Variants in MYT1L observed in about 807,000 individuals in gnomAD.
MYT1L encodes the protein myelin transcription factor 1-like protein.
A neutral mutation model predicts 126.7 loss-of-function variants in MYT1L; 12 were observed. That is an observed-to-expected ratio of 0.09 (90% CI 0.06 to 0.15). The LOEUF (loss-of-function observed/expected upper bound fraction) is 0.15. Among genes scored for constraint, MYT1L ranks in the 10% least tolerant of loss-of-function variants. MYT1L has a pLI of 1.00. For missense variants in MYT1L, 979 were observed against 1,585.2 expected (o/e 0.62, Z 6.49); for synonymous variants, 541 against 604.2 (o/e 0.90, Z 1.53).
chr2:2,101,855 A>G (rs1333126045), intron 3 of MYT1L, among the ~76,000 whole-genome samples: 2 of 152,250 alleles, frequency 1.3e-5, no homozygotes, highest in Non-Finnish European at 2.9e-5. Flanking sequence ...CATCTGTTCT[A>G]TAAATTGTAA....
intron 3 of MYT1L, among the ~76,000 whole-genome samples, chr2:2,093,412 A>T (rs1404076052): frequency 6.6e-6 from 1 of 152,180 alleles, no homozygotes; most frequent in Non-Finnish European, 1.5e-5. Flanking sequence ...TACAAAAAAA[A>T]AAAAAGATTA....
chr2:1,958,124 AT>A (rs34274278), intron 8 of MYT1L, among the ~76,000 whole-genome samples: 48,017 of 150,860 alleles, frequency 0.32, 8,481 homozygotes, highest in African/African-American at 0.49. Flanking sequence ...GTTGCAGAAC[AT>A]TTTTTTTTTC....
chr2:2,036,702 A>C (rs989798192), intron 4 of MYT1L, among the ~76,000 whole-genome samples: 2 of 152,240 alleles, frequency 1.3e-5, no homozygotes, highest in Non-Finnish European at 2.9e-5. Flanking sequence ...TCTGAGCTAC[A>C]TCATCGCTCA....
intron 19 of MYT1L, among the ~76,000 whole-genome samples, chr2:1,845,777 G>A (rs954075740): frequency 4.0e-4 from 61 of 152,234 alleles, no homozygotes; most frequent in African/African-American, 1.4e-3. Flanking sequence ...CCTAAAGCAA[G>A]TTCCGTTTGT....
rs772008172 is a variant in MYT1L at position 2,135,359 on chromosome 2, C to T, written c.-304+37513G>A. ...CATGTAAGACATGACTTTGCTCTTC[C>T]TTTGCCTTCCACCATGATTGTGAGG... On this transcript the variant is annotated intron_variant, in intron 3 of 24. Transcript: ENST00000647738. Among the ~76,000 whole-genome samples, 9 of 152,188 alleles carry T rather than the reference C, an allele frequency of 5.9e-5. 1 individual carries two copies. The highest frequency in any genetic ancestry group is 1.3e-4 in the Non-Finnish European group (9 of 68,038).
chr2:2,179,722 C>T (rs2091209938), intron 2 of MYT1L, among the ~76,000 whole-genome samples: 1 of 152,140 alleles, frequency 6.6e-6, no homozygotes, highest in Admixed American at 6.5e-5. Context: ...CCTAGGTCTC[C>T]CGAAGCTTGG....
Position 1,809,304 on chromosome 2 carries a change from C to A in MYT1L, c.3081-137G>T. 1.2e-5 allele frequency: 9 copies of A among 767,810 alleles called. No individual in the cohort carries two copies. The Admixed American group carries it at 1.4e-4, about 12-fold the overall frequency. 47.6% of individuals were successfully genotyped at this position (767,810 alleles called of 1,614,324 possible). ...AAGGCTGTCTGAAAATGAGAAAAAGCAAAAAGACCAATGCATACAGTATGA... is the reference window on the plus strand; with the variant it reads ...AAGGCTGTCTGAAAATGAGAAAAAGAAAAAAGACCAATGCATACAGTATGA... On this transcript the variant is annotated intron_variant, in intron 21 of 24. Transcript: ENST00000647738.
At chr2:2,314,313 T>C (rs1386496803) in intron 1 of MYT1L, among the ~76,000 whole-genome samples, 2 of 152,190 alleles carry the variant, frequency 1.3e-5, no homozygotes, top group Admixed American at 6.5e-5. Flanking sequence ...ATAGGTAATA[T>C]AACAGAATGA....
At chr2:1,870,254 G>GCT (rs749932398) in intron 18 of MYT1L, among the ~76,000 whole-genome samples, 1 of 152,246 alleles carries the variant, frequency 6.6e-6, no homozygotes, top group Non-Finnish European at 1.5e-5. Context: ...GAGTCCTCAA[G>GCT]CTCTCTGTCC....
At chr2:2,300,016 C>T (rs769752303) in intron 1 of MYT1L, among the ~76,000 whole-genome samples, 23 of 152,126 alleles carry the variant, frequency 1.5e-4, no homozygotes, top group Admixed American at 5.9e-4. Flanking sequence ...GCCTCAAGTT[C>T]GCTTATTATT....
chr2:2,291,644 G>A (rs2095601587), intron 1 of MYT1L, among the ~76,000 whole-genome samples: 1 of 152,220 alleles, frequency 6.6e-6, no homozygotes, highest in Non-Finnish European at 1.5e-5. Context: ...CTGAGTCCCG[G>A]CGCCGTGGCC....
At chr2:2,139,059 T>A (rs2148135699) in intron 3 of MYT1L, among the ~76,000 whole-genome samples, 1 of 151,836 alleles carries the variant, frequency 6.6e-6, no homozygotes, top group East Asian at 2.0e-4. Flanking sequence ...TATAGGACCC[T>A]GTATTAGGTG....
intron 21 of MYT1L, among the ~76,000 whole-genome samples, chr2:1,831,070 T>C (rs1392506682): frequency 6.6e-6 from 1 of 152,182 alleles, no homozygotes; most frequent in Non-Finnish European, 1.5e-5. Flanking sequence ...TGGCCGTGAT[T>C]CCCTTGGAAT....
intron 8 of MYT1L, among the ~76,000 whole-genome samples, chr2:1,965,364 GGC>G (rs1176811525): frequency 3.4e-5 from 5 of 149,226 alleles, no homozygotes; most frequent in African/African-American, 1.0e-4. Context: ...GGAGGACCCA[GGC>G]ACTCTGTGAC....
chr2:1,921,640 T>C (rs2053580799), intron 10 of MYT1L, among the ~76,000 whole-genome samples: 1 of 152,212 alleles, frequency 6.6e-6, no homozygotes, highest in African/African-American at 2.4e-5. Flanking sequence ...ATGAATATCC[T>C]AAAGAAATTG....
intron 18 of MYT1L, among the ~76,000 whole-genome samples, chr2:1,866,884 G>A (rs538152851): frequency 1.8e-4 from 26 of 143,890 alleles, no homozygotes; most frequent in Non-Finnish European, 3.5e-4. Context: ...CAGAGAAAGA[G>A]AGAGGGAAAG....
At chr2:2,108,684 C>T (rs935170800) in intron 3 of MYT1L, among the ~76,000 whole-genome samples, 2 of 152,208 alleles carry the variant, frequency 1.3e-5, no homozygotes, top group African/African-American at 4.8e-5. Flanking sequence ...GCGAAGATCA[C>T]AGTATACATT....
rs557761684 is a variant in MYT1L, at chr2:2,184,795, T to C, written c.-420-11807A>G. 1.5e-4 allele frequency among the ~76,000 whole-genome samples: 23 copies of C among 152,266 alleles called. 1 individual carries two copies. In the South Asian group the frequency reaches 4.6e-3, roughly 30 times the overall value. ...GCCTCTCCTCATCCGTCAGCTTCAG[T>C]TGTAGGAGAGACTCCTGCCTAAATC... On this transcript the variant is annotated intron_variant, in intron 2 of 24. Coordinates refer to ENST00000647738, the MANE Select transcript of MYT1L (RefSeq NM_001303052.2).
Position 1,922,163 on chromosome 2 carries a change from T to C in MYT1L, c.1483+123A>G. 1 of 1,276,086 alleles carries C rather than the reference T, an allele frequency of 7.8e-7. No homozygotes were observed. The highest frequency in any genetic ancestry group is 1.1e-6 in the Non-Finnish European group (1 of 937,402). 79.0% of individuals were successfully genotyped at this position (1,276,086 alleles called of 1,614,324 possible). A position where few individuals can be genotyped will look rare whatever the true frequency, so the allele number is the denominator to read the frequency against. ...CACAAAATATCCTTCTGGAATCAAC[T>C]CTAAGAATGTGCAGTAGAGACATAA... On this transcript the variant is annotated intron_variant, in intron 10 of 24. Coordinates refer to ENST00000647738, the MANE Select transcript of MYT1L (RefSeq NM_001303052.2). The surrounding 1 kb of genome is among the most constrained non-coding windows in gnomAD (Gnocchi z 7.4).
Sources: gnomAD v4.1 joint callset for allele counts (sites outside exome capture counted in the v4.1 genomes callset) on GRCh38, gnomAD v4.1.1 for gene constraint, Gnocchi (gnomAD v3.1) non-coding constraint, MANE v1.5 for transcripts, NCBI Gene and HGNC (gene_info 2026-07-23, HGNC 2026-07-21) for gene names.